Variants in RGS6 observed in about 807,000 individuals in gnomAD.
The protein encoded by RGS6 is regulator of G protein signaling 6, also known as regulator of G-protein signaling 6.
Under a neutral mutation model 78.5 loss-of-function variants are expected in RGS6, and 30 were observed. The ratio of observed to expected loss-of-function variants is 0.38; its 90% CI spans 0.29 to 0.52. The LOEUF is 0.52. Ranked by LOEUF, RGS6 falls within the 20% of genes least tolerant of loss-of-function variation. RGS6 has a pLI of 0.85. For synonymous variants in RGS6, 206 were observed against 206.0 expected (o/e 1.00, Z 0.00); for missense variants, 495 against 609.7 (o/e 0.81, Z 1.98).
intron 3 of RGS6, among the ~76,000 whole-genome samples, chr14:72,383,213 T>TATATATATATATATACACAC (rs1387301746): frequency 6.8e-5 from 8 of 118,334 alleles, no homozygotes; most frequent in African/African-American, 2.2e-4. Context: ...TATATATATA[T>TATATATATATATATACACAC]ACACACAAAC....
chr14:72,159,707 A>G (rs972023675), intron 2 of RGS6, among the ~76,000 whole-genome samples: 2 of 151,620 alleles, frequency 1.3e-5, no homozygotes, highest in Non-Finnish European at 2.9e-5. Context: ...TTTTTTTCCT[A>G]TGGCTCCTAA....
At chr14:72,417,264 C>T (rs976925123) in intron 3 of RGS6, among the ~76,000 whole-genome samples, 1 of 152,188 alleles carries the variant, frequency 6.6e-6, no homozygotes, top group Non-Finnish European at 1.5e-5. Flanking sequence ...TATTCTCTGT[C>T]AACTGAATGA....
chr14:72,402,074 C>T (rs963974074), intron 3 of RGS6, among the ~76,000 whole-genome samples: 3 of 152,160 alleles, frequency 2.0e-5, no homozygotes, highest in African/African-American at 4.8e-5. Context: ...CCAGCCAATC[C>T]GTGGGATCGG....
At chr14:72,016,067 T>C (rs2086894414) in intron 2 of RGS6, among the ~76,000 whole-genome samples, 1 of 152,362 alleles carries the variant, frequency 6.6e-6, no homozygotes, top group Middle Eastern at 3.4e-3. Context: ...GTAATCATAT[T>C]TATCCATTTC....
intron 17 of RGS6, among the ~76,000 whole-genome samples, chr14:72,548,342 T>TGTGTGTGTGTGTGCGCGCGC (rs796698263): frequency 1.5e-5 from 2 of 134,830 alleles, no homozygotes; most frequent in East Asian, 2.5e-4. Context: ...TGTGTGTGTG[T>TGTGTGTGTGTGTGCGCGCGC]GCGCGCGTGT....
intron 2 of RGS6, among the ~76,000 whole-genome samples, chr14:72,282,810 A>G (rs1011357058): frequency 1.3e-5 from 2 of 152,162 alleles, no homozygotes; most frequent in Non-Finnish European, 2.9e-5. Context: ...CTTCTTAACA[A>G]ATTTTTTAAG....
intron 2 of RGS6, among the ~76,000 whole-genome samples, chr14:72,171,214 G>C (rs531068741): frequency 2.6e-5 from 4 of 152,016 alleles, no homozygotes; most frequent in Non-Finnish European, 4.4e-5. Flanking sequence ...GCATGCATGC[G>C]TACATATGCA....
rs370317689 is a variant in RGS6, at chr14:72,056,502, T to C, written c.84+91627T>C. 3.9e-5 allele frequency among the ~76,000 whole-genome samples: 6 copies of C among 152,340 alleles called. No homozygotes were observed. In the East Asian group the frequency reaches 9.6e-4, roughly 24 times the overall value. On this transcript the variant is annotated intron_variant, in intron 2 of 17. Transcript: ENST00000553525. The stretch of plus-strand genomic sequence containing the variant: ...CCGTGAGAGAATTTCTTATTAAAAA[T>C]TGAGCTTGCAAAAAATCAAATGTGT...
In RGS6 at chr14:72,331,097, C is replaced by G. The variant is rs142706381; in HGVS notation, c.85-20998C>G. On this transcript the variant is annotated intron_variant, in intron 2 of 17. Coordinates refer to ENST00000553525, the MANE Select transcript of RGS6 (RefSeq NM_001204424.2). Reference sequence around the variant, plus strand: ...TAAGGCAGCAGATTCCGCCAGGATTCTGTTAGACACAGAGGACACAAGGTC... The same window carrying G: ...TAAGGCAGCAGATTCCGCCAGGATTGTGTTAGACACAGAGGACACAAGGTC... 2.6e-3 allele frequency among the ~76,000 whole-genome samples: 398 copies of G among 152,296 alleles called. 2 individuals carry two copies. The highest frequency in any genetic ancestry group is 9.2e-3 in the African/African-American group (383 of 41,556).
intron 2 of RGS6, among the ~76,000 whole-genome samples, chr14:72,291,012 A>ATGCCTC (rs1268609999): frequency 2.6e-5 from 4 of 151,680 alleles, no homozygotes; most frequent in African/African-American, 9.7e-5. Flanking sequence ...GATGATCACC[A>ATGCCTC]TGCCTCTCAA....
rs149496561 is a variant in RGS6 at position 72,555,975 on chromosome 14, G to A, written c.1423-6442G>A. 2.4e-3 allele frequency among the ~76,000 whole-genome samples: 365 copies of A among 152,344 alleles called. 3 individuals are homozygous for A. Among genetic ancestry groups the A allele is most frequent in the African/African-American group, 8.2e-3 (342 of 41,566 alleles). On this transcript the variant is annotated intron_variant, in intron 17 of 17. Transcript: ENST00000553525. The stretch of plus-strand genomic sequence containing the variant: ...TTGAAGAACAAGGCACTTGAGGAGA[G>A]AGGGTCCATGAGCTACCCGTGCCAT...
chr14:72,301,795 G>C (rs759449140), intron 2 of RGS6, among the ~76,000 whole-genome samples: 1 of 152,062 alleles, frequency 6.6e-6, no homozygotes, highest in Non-Finnish European at 1.5e-5. Flanking sequence ...TCATCTTCAC[G>C]TGGTGTTCTA....
chr14:72,086,992 C>T (rs774798407), intron 2 of RGS6, among the ~76,000 whole-genome samples: 8 of 152,084 alleles, frequency 5.3e-5, no homozygotes, highest in Non-Finnish European at 1.0e-4. Flanking sequence ...CATGTATTTT[C>T]GCTGGAGTGT....
chr14:71,978,206 A>G (rs1293170825), intron 2 of RGS6, among the ~76,000 whole-genome samples: 1 of 131,682 alleles, frequency 7.6e-6, no homozygotes, highest in African/African-American at 2.7e-5. Context: ...TGTCGTCTGC[A>G]AACAGGGACA....
chr14:71,974,879 C>T (rs180834154), intron 2 of RGS6, among the ~76,000 whole-genome samples: 96 of 152,280 alleles, frequency 6.3e-4, no homozygotes, highest in Admixed American at 6.5e-4. Context: ...CGTTGGCTTA[C>T]GCCTGTAATC....
intron 2 of RGS6, among the ~76,000 whole-genome samples, chr14:72,219,811 A>G (rs1441519392): frequency 6.6e-6 from 1 of 152,110 alleles, no homozygotes; most frequent in African/African-American, 2.4e-5. Context: ...TTATTGTTAC[A>G]TATTTTGCAT....
the RGS6 span, among the ~76,000 whole-genome samples, chr14:72,589,674 G>A: frequency 6.6e-6 from 1 of 152,004 alleles, no homozygotes; most frequent in Admixed American, 6.6e-5. Flanking sequence ...CTATCCTAAG[G>A]AACAAACCAG....
intron 2 of RGS6, among the ~76,000 whole-genome samples, chr14:72,076,229 G>A (rs2094569127): frequency 6.6e-6 from 1 of 152,202 alleles, no homozygotes; most frequent in African/African-American, 2.4e-5. Flanking sequence ...ATTGAAAGAG[G>A]AGAAAATATT....
intron 2 of RGS6, among the ~76,000 whole-genome samples, chr14:72,213,032 G>C (rs2044570004): frequency 6.6e-6 from 1 of 152,214 alleles, no homozygotes; most frequent in South Asian, 2.1e-4. Flanking sequence ...CAAGTGGGAA[G>C]GGGTGGAGGG....
Sources: gnomAD v4.1 joint callset for allele counts (sites outside exome capture counted in the v4.1 genomes callset) on GRCh38, gnomAD v4.1.1 for gene constraint, MANE v1.5 for transcripts, NCBI Gene and HGNC (gene_info 2026-07-23, HGNC 2026-07-21) for gene names.